The following CNTNAP2 variants were observed in gnomAD, a reference collection of about 807,000 sequenced individuals.
CNTNAP2 encodes contactin associated protein 2.
In CNTNAP2, 98 loss-of-function variants were observed where a neutral mutation model predicts 155.2. That is an observed-to-expected ratio of 0.63 (90% CI 0.54 to 0.75). The LOEUF (loss-of-function observed/expected upper bound fraction) is 0.75. CNTNAP2 is among the 30% of genes least tolerant of loss of function. The pLI is 0.00. For synonymous variants in CNTNAP2, 651 were observed against 631.2 expected, an observed-to-expected ratio of 1.03 and a Z score of -0.47; for missense variants, 1,727 against 1,688.1, an observed-to-expected ratio of 1.02 and a Z score of -0.40.
intron 19 of CNTNAP2, among the ~76,000 whole-genome samples, chr7:148,221,387 C>A (rs1027394643): frequency 6.6e-6 from 1 of 152,108 alleles, no homozygotes; most frequent in Non-Finnish European, 1.5e-5. Flanking sequence ...GGTTTCTCAG[C>A]CTGGGTGTCC....
chr7:147,422,101 C>A, intron 10 of CNTNAP2, among the ~76,000 whole-genome samples: 1 of 129,472 alleles, frequency 7.7e-6, no homozygotes, highest in African/African-American at 2.9e-5. Flanking sequence ...AGTATATATA[C>A]AGTATATATA....
intron 18 of CNTNAP2, among the ~76,000 whole-genome samples, chr7:148,208,729 A>G (rs116377522): frequency 0.011 from 1,730 of 152,244 alleles, 36 homozygotes; most frequent in African/African-American, 0.039. Flanking sequence ...AGGAGATGAG[A>G]AGGTTTCTAG....
At chr7:146,852,295 T>G (rs959512556) in intron 3 of CNTNAP2, among the ~76,000 whole-genome samples, 8 of 152,178 alleles carry the variant, frequency 5.3e-5, no homozygotes, top group African/African-American at 1.4e-4. Context: ...AGACAATATC[T>G]TCTAGGAAGA....
At chr7:147,392,379 G>C (rs1023353816) in intron 9 of CNTNAP2, among the ~76,000 whole-genome samples, 1 of 151,008 alleles carries the variant, frequency 6.6e-6, no homozygotes, top group East Asian at 1.9e-4. Context: ...ATTTCCATAG[G>C]TTTTTGGGGG....
intron 1 of CNTNAP2, among the ~76,000 whole-genome samples, chr7:146,305,495 A>T (rs1199008424): frequency 6.6e-6 from 1 of 151,940 alleles, no homozygotes; most frequent in Non-Finnish European, 1.5e-5. Flanking sequence ...TTTCCTTCTA[A>T]CATTCAGGAC....
chr7:147,445,828 T>C (rs1056140734), intron 10 of CNTNAP2, among the ~76,000 whole-genome samples: 2 of 152,130 alleles, frequency 1.3e-5, no homozygotes, highest in African/African-American at 2.4e-5. Context: ...GGGGTCTTGC[T>C]CTGTCACTCA....
intron 8 of CNTNAP2, among the ~76,000 whole-genome samples, chr7:147,238,924 T>C (rs1468291141): frequency 6.6e-6 from 1 of 152,240 alleles, no homozygotes; most frequent in Non-Finnish European, 1.5e-5. Context: ...CAATATCCAT[T>C]GTTAAGTCTT....
intron 18 of CNTNAP2, among the ~76,000 whole-genome samples, chr7:148,177,162 C>T (rs1794950788): frequency 6.6e-6 from 1 of 152,070 alleles, no homozygotes; most frequent in African/African-American, 2.4e-5. Flanking sequence ...TGAATAGTGT[C>T]CCCCAAAATT....
At chr7:146,625,251 ACT>A (rs1438003161) in intron 1 of CNTNAP2, among the ~76,000 whole-genome samples, 1 of 151,818 alleles carries the variant, frequency 6.6e-6, no homozygotes, top group Non-Finnish European at 1.5e-5. Context: ...TAAACATAAG[ACT>A]CTCTGGAGAA....
chr7:147,484,813 C>G (rs1311606894), intron 10 of CNTNAP2, among the ~76,000 whole-genome samples: 1 of 152,210 alleles, frequency 6.6e-6, no homozygotes, highest in East Asian at 1.9e-4. Context: ...GGCTCTTTAT[C>G]TGTCCTTTGC....
rs187714196 is a variant in CNTNAP2 at position 147,824,940 on chromosome 7, G to A, written c.2099-78625G>A. Among the ~76,000 whole-genome samples, 88 of 152,234 alleles carry A rather than the reference G, an allele frequency of 5.8e-4. 1 individual carries two copies. The highest frequency in any genetic ancestry group is 3.4e-3 in the Middle Eastern group (1 of 294). On this transcript the variant is annotated intron_variant, in intron 13 of 23. Coordinates refer to ENST00000361727, the MANE Select transcript of CNTNAP2 (RefSeq NM_014141.6). ...CAGGGAAAAGAAAATTTTGCTTAAC[G>A]TGGATTGAGGAAGTAGTGGACTCAA...
At chr7:147,040,591 G>A (rs1799242162) in intron 3 of CNTNAP2, among the ~76,000 whole-genome samples, 1 of 150,698 alleles carries the variant, frequency 6.6e-6, no homozygotes, top group Non-Finnish European at 1.5e-5. Context: ...CTTCCAAGTA[G>A]CTGGGATTAC....
At chr7:147,634,991 A>G (rs1367494905) in intron 12 of CNTNAP2, among the ~76,000 whole-genome samples, 3 of 152,038 alleles carry the variant, frequency 2.0e-5, no homozygotes, top group Non-Finnish European at 2.9e-5. Flanking sequence ...TTGCATTTGT[A>G]TTTCTTCTGT....
chr7:148,419,114 T>C lies in CNTNAP2; in HGVS notation c.*3498T>C, dbSNP rs911946802. 6.6e-6 allele frequency: 1 copy of C among 152,166 alleles called. No individual in the cohort carries two copies. 9.4% of individuals were successfully genotyped at this position (152,166 alleles called of 1,614,324 possible). ...TTTTCTATCCTACTTTTTTCTCTCTTCCTCTCCTCACCACATTATACCCTG... is the reference window on the plus strand; with the variant it reads ...TTTTCTATCCTACTTTTTTCTCTCTCCCTCTCCTCACCACATTATACCCTG... On this transcript the variant is annotated 3_prime_UTR_variant, in exon 24 of 24. Transcript: ENST00000361727.
chr7:148,257,747 C>T (rs1796478937), intron 20 of CNTNAP2, among the ~76,000 whole-genome samples: 1 of 152,142 alleles, frequency 6.6e-6, no homozygotes, highest in African/African-American at 2.4e-5. Flanking sequence ...CCCAGATTCA[C>T]GATCAGCCAG....
intron 13 of CNTNAP2, among the ~76,000 whole-genome samples, chr7:147,709,611 A>G (rs1404148453): frequency 6.6e-6 from 1 of 152,174 alleles, no homozygotes; most frequent in Non-Finnish European, 1.5e-5. Flanking sequence ...AGTCCTCTAT[A>G]AACACTGTTC....
chr7:146,296,209 ACACT>A (rs1163232656), intron 1 of CNTNAP2, among the ~76,000 whole-genome samples: 1 of 152,118 alleles, frequency 6.6e-6, no homozygotes, highest in Non-Finnish European at 1.5e-5. Flanking sequence ...CAGTTTGAAG[ACACT>A]CACAGAGGAA....
chr7:146,661,372 A>G (rs1800084295), intron 1 of CNTNAP2, among the ~76,000 whole-genome samples: 1 of 152,060 alleles, frequency 6.6e-6, no homozygotes, highest in Non-Finnish European at 1.5e-5. Flanking sequence ...ATTTTGGCAA[A>G]GGTATGCAGT....
chr7:147,713,545 C>T lies in CNTNAP2; in HGVS notation c.2098+74239C>T, dbSNP rs566540196. ...ACACCTAGCATGTTTATACATTTAC[C>T]GGTTGGAGAACGTTTGGGTAATTTC... is the stretch of plus-strand genomic sequence containing the variant. On this transcript the variant is annotated intron_variant, in intron 13 of 23. Transcript: ENST00000361727. Among the ~76,000 whole-genome samples the T allele has an allele frequency of 4.0e-4, 61 of 152,212 alleles. No individual in the cohort carries two copies. In the South Asian group the frequency reaches 6.6e-3, roughly 17 times the overall value.
Sources: gnomAD v4.1 joint callset for allele counts (sites outside exome capture counted in the v4.1 genomes callset) on GRCh38, gnomAD v4.1.1 for gene constraint, MANE v1.5 for transcripts, NCBI Gene and HGNC (gene_info 2026-07-23, HGNC 2026-07-21) for gene names.